RCAN2: variants seen among roughly 807,000 people sequenced by gnomAD.
The protein encoded by RCAN2 is regulator of calcineurin 2.
A neutral mutation model predicts 23.6 loss-of-function variants in RCAN2; 9 were observed. The ratio of observed to expected loss-of-function variants is 0.38; its 90% CI spans 0.23 to 0.67. RCAN2 has a LOEUF of 0.67. RCAN2 is among the 30% of genes least tolerant of loss of function. The pLI is 0.51. For missense variants in RCAN2, 273 were observed against 302.3 expected (o/e 0.90, Z 0.72); for synonymous variants, 109 against 115.7 (o/e 0.94, Z 0.37).
At chr6:46,311,279 A>C (rs1459980357) in intron 2 of RCAN2, among the ~76,000 whole-genome samples, 1 of 152,172 alleles carries the variant, frequency 6.6e-6, no homozygotes, top group African/African-American at 2.4e-5. Context: ...CCATGGCTGT[A>C]TCATGGGTTC....
At chr6:46,485,024 T>C (rs1391340189) in intron 1 of RCAN2, among the ~76,000 whole-genome samples, 1 of 152,168 alleles carries the variant, frequency 6.6e-6, no homozygotes, top group Non-Finnish European at 1.5e-5. Flanking sequence ...TTAAAAGCAA[T>C]GTCAGTATAC....
chr6:46,313,717 A>C (rs1264561164), intron 2 of RCAN2, among the ~76,000 whole-genome samples: 1 of 152,160 alleles, frequency 6.6e-6, no homozygotes, highest in Non-Finnish European at 1.5e-5. Context: ...AATTTGGGGA[A>C]CTCTTCTAAC....
chr6:46,477,986 A>C (rs180787083), intron 1 of RCAN2, among the ~76,000 whole-genome samples: 1 of 152,366 alleles, frequency 6.6e-6, no homozygotes, highest in East Asian at 1.9e-4. Context: ...GTATTCCCAT[A>C]GTCTTTAACT....
At chr6:46,322,980 C>T (rs377258670) in intron 2 of RCAN2, among the ~76,000 whole-genome samples, 4 of 152,172 alleles carry the variant, frequency 2.6e-5, no homozygotes, top group Non-Finnish European at 5.9e-5. Context: ...ATAAGCACAA[C>T]GTAGATCTTT....
At chr6:46,465,372 C>T (rs1010663542) in intron 1 of RCAN2, among the ~76,000 whole-genome samples, 1 of 152,202 alleles carries the variant, frequency 6.6e-6, no homozygotes, top group Non-Finnish European at 1.5e-5. Flanking sequence ...AGGAAACAGA[C>T]AGCATGTTCA....
At position 46,456,789 on chromosome 6, in the gene RCAN2, T is replaced by C. The variant is rs924839491; in HGVS notation, c.188A>G (p.Asn63Ser). The change falls in exon 2 of 5, where the codon AAT becomes AGT. Residue 63 changes from asparagine to serine, a missense_variant. Asn to Ser is a conservative substitution (Grantham distance 46, BLOSUM62 1). Coordinates refer to ENST00000371374, the MANE Select transcript of RCAN2 (RefSeq NM_001251974.2). ...TCCTTCAAACACTGACTGGTGAACA[T>C]TGCACGCAAACAACGAGTTGGGGAG... is the stretch of plus-strand genomic sequence containing the variant. The part of the protein sequence containing the change: ...NDLPNSLFAC[N>S]VHQSVFEGEE... 24 of 1,550,762 alleles carry C rather than the reference T, an allele frequency of 1.5e-5. No individual in the cohort carries two copies. The highest frequency in any genetic ancestry group is 2.4e-5 in the South Asian group (2 of 84,058).
At chr6:46,238,207 A>C (rs1282879482) in intron 4 of RCAN2, among the ~76,000 whole-genome samples, 1 of 152,092 alleles carries the variant, frequency 6.6e-6, no homozygotes, top group Non-Finnish European at 1.5e-5. Flanking sequence ...GGAGTGAGGA[A>C]AGCTGGGAGG....
At chr6:46,436,446 C>T (rs1432204884) in intron 2 of RCAN2, among the ~76,000 whole-genome samples, 1 of 152,210 alleles carries the variant, frequency 6.6e-6, no homozygotes, top group East Asian at 1.9e-4. Flanking sequence ...AACTCCTGAC[C>T]TCAGGTGATC....
chr6:46,392,197 T>C (rs1483073065), intron 2 of RCAN2, among the ~76,000 whole-genome samples: 3 of 152,266 alleles, frequency 2.0e-5, no homozygotes, highest in Admixed American at 2.0e-4. Context: ...GCCAAGCCCA[T>C]CTTTAGTTTT....
chr6:46,469,756 AATGTG>A (rs1768502595), intron 1 of RCAN2, among the ~76,000 whole-genome samples: 1 of 152,226 alleles, frequency 6.6e-6, no homozygotes, highest in African/African-American at 2.4e-5. Context: ...CTTAATGGCC[AATGTG>A]ATGGTATTCA....
At chr6:46,401,225 C>A (rs1413784855) in intron 2 of RCAN2, among the ~76,000 whole-genome samples, 1 of 152,192 alleles carries the variant, frequency 6.6e-6, no homozygotes, top group Admixed American at 6.5e-5. Context: ...AGGTTTGGAT[C>A]AGAACCTCAT....
chr6:46,345,722 T>C (rs1163956177), intron 2 of RCAN2, among the ~76,000 whole-genome samples: 2 of 152,168 alleles, frequency 1.3e-5, no homozygotes, highest in Non-Finnish European at 2.9e-5. Flanking sequence ...TAACATGTGA[T>C]GTCACAACAG....
intron 2 of RCAN2, among the ~76,000 whole-genome samples, chr6:46,328,995 G>A (rs890222858): frequency 1.8e-4 from 28 of 152,138 alleles, no homozygotes; most frequent in Admixed American, 6.5e-4. Flanking sequence ...TGGCTACAAG[G>A]CCTTGTAAAC....
intron 2 of RCAN2, among the ~76,000 whole-genome samples, chr6:46,255,495 A>G (rs549043360): frequency 3.1e-4 from 47 of 152,308 alleles, no homozygotes; most frequent in Non-Finnish European, 6.3e-4. Context: ...AAAAAATTGT[A>G]AACCCAAAAG....
intron 2 of RCAN2, among the ~76,000 whole-genome samples, chr6:46,301,209 C>G (rs1394745635): frequency 6.6e-6 from 1 of 151,914 alleles, no homozygotes; most frequent in Non-Finnish European, 1.5e-5. Context: ...TGAAACATAC[C>G]CTACTAACAT....
rs181744332 is a variant in RCAN2, at chr6:46,470,482, T to C, written c.-2-13504A>G. On this transcript the variant is annotated intron_variant, in intron 1 of 4. Coordinates refer to ENST00000371374, the MANE Select transcript of RCAN2 (RefSeq NM_001251974.2). ...GGGGTGATATTAAAGATGAGAAACA[T>C]TATATTAGGCTTGCTTGTCTTTTTG... Among the ~76,000 whole-genome samples the C allele has an allele frequency of 3.9e-3, 594 of 152,280 alleles. 2 individuals carry two copies. Among genetic ancestry groups the C allele is most frequent in the South Asian group, 7.5e-3 (36 of 4,824 alleles).
intron 2 of RCAN2, among the ~76,000 whole-genome samples, chr6:46,309,612 C>G (rs1763188868): frequency 6.6e-6 from 1 of 152,098 alleles, no homozygotes; most frequent in South Asian, 2.1e-4. Context: ...CTATCAATGA[C>G]CTATCCTCAT....
intron 1 of RCAN2, chr6:46,468,685 T>TA (rs1400281042): frequency 2.7e-6 from 1 of 374,424 alleles, no homozygotes; most frequent in African/African-American, 2.2e-5. Context: ...CGGCTCCTGA[T>TA]ATGCTGTGCT....
At chr6:46,432,624 C>T (rs1045168394) in intron 2 of RCAN2, among the ~76,000 whole-genome samples, 1 of 152,064 alleles carries the variant, frequency 6.6e-6, no homozygotes, top group African/African-American at 2.4e-5. Flanking sequence ...ATGAAAATCA[C>T]CAGTTACCAG....
Sources: allele counts gnomAD v4.1 joint callset (sites outside exome capture counted in the v4.1 genomes callset), GRCh38; gene constraint gnomAD v4.1.1; transcripts MANE v1.5; gene names NCBI Gene and HGNC (gene_info 2026-07-23, HGNC 2026-07-21).